Variants in OR4D10 observed in about 807,000 individuals in gnomAD.
OR4D10 encodes the protein olfactory receptor family 4 subfamily D member 10.
For synonymous variants in OR4D10, 188 were observed against 153.2 expected (o/e 1.23, Z -1.68); for missense variants, 395 against 378.0 (o/e 1.04, Z -0.37).
Position 59,477,832 on chromosome 11 carries a change from A to T in OR4D10, c.403A>T (p.Ile135Phe). 6.2e-7 allele frequency: 1 copy of T among 1,614,106 alleles called. No homozygotes were observed. The highest frequency in any genetic ancestry group is 8.5e-7 in the Non-Finnish European group (1 of 1,180,020). The change falls in exon 3 of 3, where the codon ATC becomes TTC. Residue 135 changes from isoleucine (I) to phenylalanine (F), a missense_variant. Ile to Phe is a conservative substitution (Grantham distance 21). Transcript: ENST00000530162. Reference protein sequence around the residue: ...AISKPLHYATIMSRDHCIGLT... With the variant: ...AISKPLHYATFMSRDHCIGLT... The stretch of plus-strand genomic sequence containing the variant: ...CTCCAAGCCCCTGCACTATGCGACT[A>T]TCATGAGTAGAGACCATTGCATTGG...
Position 59,477,499 on chromosome 11 carries a change from A to C in OR4D10, c.70A>C (p.Ser24Arg). ...FLGLTQNREV[S>R]LVLFLFLLLV... ...TGGCCTGACCCAGAATCGGGAAGTG[A>C]GCTTAGTCTTATTTCTTTTCCTACT... The change falls in exon 3 of 3, where the codon AGC becomes CGC. Residue 24 changes from serine to arginine, a missense_variant. Coordinates refer to ENST00000530162, the MANE Select transcript of OR4D10 (RefSeq NM_001004705.2). 1 of 1,612,690 alleles carries C rather than the reference A, an allele frequency of 6.2e-7. No homozygotes were observed. The highest frequency in any genetic ancestry group is 8.5e-7 in the Non-Finnish European group (1 of 1,179,376).
In OR4D10 at chr11:59,477,385, C is replaced by T; in HGVS notation, c.-45C>T. On this transcript the variant is annotated 5_prime_UTR_variant, in exon 3 of 3. Transcript: ENST00000530162. ...AACAAAATAAATATCCCAGTGCTTTCACATGACATGGTTTAAAACCAAAGA... is the reference window on the plus strand; with the variant it reads ...AACAAAATAAATATCCCAGTGCTTTTACATGACATGGTTTAAAACCAAAGA... 1 of 1,395,370 alleles carries T rather than the reference C, an allele frequency of 7.2e-7. No individual in the cohort carries two copies. Among genetic ancestry groups the T allele is most frequent in the Middle Eastern group, 1.9e-4 (1 of 5,330 alleles). The allele number at this position is 1,395,370 out of a possible 1,614,324, so 86.4% of individuals were successfully genotyped here. A position where few individuals can be genotyped will look rare whatever the true frequency, so the allele number is the denominator to read the frequency against.
rs1309749820 is a variant in OR4D10 at position 59,478,856 on chromosome 11, G to A, written c.*491G>A. 1.3e-5 allele frequency: 2 copies of A among 152,460 alleles called. No individual in the cohort carries two copies. The highest frequency in any genetic ancestry group is 2.9e-5 in the Non-Finnish European group (2 of 68,276). 9.4% of individuals were successfully genotyped at this position (152,460 alleles called of 1,614,324 possible). ...TAGCAAATGTGTATATGATTTTGCA[G>A]TCCAATTTTAAAGAAAAATTAAGCC... On this transcript the variant is annotated 3_prime_UTR_variant, in exon 3 of 3. Coordinates refer to ENST00000530162, the MANE Select transcript of OR4D10 (RefSeq NM_001004705.2).
In OR4D10 at chr11:59,477,492, G is replaced by A. The variant is rs1375530379; in HGVS notation, c.63G>A (p.Arg21=). The A allele has an allele frequency of 1.3e-5, 21 of 1,611,436 alleles. No individual in the cohort carries two copies. Among genetic ancestry groups the A allele is most frequent in the Non-Finnish European group, 1.7e-5 (20 of 1,178,854 alleles). The stretch of plus-strand genomic sequence containing the variant: ...TTTTCCTTGGCCTGACCCAGAATCG[G>A]GAAGTGAGCTTAGTCTTATTTCTTT... ...EFIFLGLTQN[R]EVSLVLFLFL... Residue 21 remains arginine, a synonymous_variant, in exon 3 of 3, where the codon CGG becomes CGA. Coordinates refer to ENST00000530162, the MANE Select transcript of OR4D10 (RefSeq NM_001004705.2).
intron 2 of OR4D10, among the ~76,000 whole-genome samples, chr11:59,475,172 C>A (rs1858890432): frequency 6.6e-6 from 1 of 151,956 alleles, no homozygotes; most frequent in African/African-American, 2.4e-5. Flanking sequence ...AGAAGCTCAG[C>A]AGGCTTAAAC....
intron 2 of OR4D10, among the ~76,000 whole-genome samples, chr11:59,476,654 T>C (rs1266210550): frequency 3.3e-5 from 5 of 152,176 alleles, no homozygotes; most frequent in Non-Finnish European, 4.4e-5. Context: ...TCATCTCTGC[T>C]GACTCCAACT....
Position 59,477,325 on chromosome 11 carries a change from A to C in OR4D10, c.-105A>C. On this transcript the variant is annotated 5_prime_UTR_variant, in exon 3 of 3. Coordinates refer to ENST00000530162, the MANE Select transcript of OR4D10 (RefSeq NM_001004705.2). Reference sequence around the variant, plus strand: ...CTGCAAAAACTACAACCGCATGGGAAGTTTCTGCACTGCATTCTAGGTGTT... The same window carrying C: ...CTGCAAAAACTACAACCGCATGGGACGTTTCTGCACTGCATTCTAGGTGTT... The C allele has an allele frequency of 2.6e-6, 2 of 758,492 alleles. No individual in the cohort carries two copies. The highest frequency in any genetic ancestry group is 4.1e-6 in the Non-Finnish European group (2 of 493,200). 47.0% of individuals were successfully genotyped at this position (758,492 alleles called of 1,614,324 possible). A position where few individuals can be genotyped will look rare whatever the true frequency, so the allele number is the denominator to read the frequency against.
chr11:59,474,571 T>C (rs1044721360), intron 2 of OR4D10, among the ~76,000 whole-genome samples: 1 of 152,178 alleles, frequency 6.6e-6, no homozygotes. Flanking sequence ...CCCTCCACCC[T>C]CTAAGCTTTG....
Position 59,477,511 on chromosome 11 carries a change from T to C in OR4D10, c.82T>C (p.Phe28Leu). 1 of 1,613,968 alleles carries C rather than the reference T, an allele frequency of 6.2e-7. No homozygotes were observed. Among genetic ancestry groups the C allele is most frequent in the Non-Finnish European group, 8.5e-7 (1 of 1,179,900 alleles). The change falls in exon 3 of 3, where the codon TTT (phenylalanine) becomes CTT (leucine). Residue 28 changes from phenylalanine (F) to leucine (L), a missense_variant. By Grantham distance (22) the Phe-to-Leu change is conservative. Transcript: ENST00000530162. ...TQNREVSLVL[F>L]LFLLLVYVTT... is the part of the protein sequence containing the mutation. Reference sequence around the variant, plus strand: ...GAATCGGGAAGTGAGCTTAGTCTTATTTCTTTTCCTACTCTTGGTGTATGT... The same window carrying C: ...GAATCGGGAAGTGAGCTTAGTCTTACTTCTTTTCCTACTCTTGGTGTATGT...
In OR4D10 at chr11:59,477,520, C is replaced by T; in HGVS notation, c.91C>T (p.Leu31=). Residue 31 remains leucine, a synonymous_variant, in exon 3 of 3, where the codon CTA becomes TTA. Coordinates refer to ENST00000530162, the MANE Select transcript of OR4D10 (RefSeq NM_001004705.2). The part of the protein sequence containing the change: ...REVSLVLFLF[L]LLVYVTTLLG... ...AGTGAGCTTAGTCTTATTTCTTTTC[C>T]TACTCTTGGTGTATGTGACAACTTT... The T allele has an allele frequency of 6.2e-7, 1 of 1,613,920 alleles. No individual in the cohort carries two copies. Among genetic ancestry groups the T allele is most frequent in the African/African-American group, 1.3e-5 (1 of 75,022 alleles).
intron 2 of OR4D10, among the ~76,000 whole-genome samples, chr11:59,475,348 T>G (rs1858892665): frequency 6.6e-6 from 1 of 152,184 alleles, no homozygotes; most frequent in Non-Finnish European, 1.5e-5. Flanking sequence ...GCATGTCATC[T>G]TCACCACCGA....
chr11:59,477,476 G>T lies in OR4D10; in HGVS notation c.47G>T (p.Gly16Val), dbSNP rs1239345150. Residue 16 changes from glycine (G) to valine (V), a missense_variant, in exon 3 of 3, where the codon GGC (glycine) becomes GTC (valine). Coordinates refer to ENST00000530162, the MANE Select transcript of OR4D10 (RefSeq NM_001004705.2). ...CTRVKEFIFL[G>V]LTQNREVSLV... ...AGGGTAAAAGAATTTATTTTCCTTG[G>T]CCTGACCCAGAATCGGGAAGTGAGC... 1 of 1,606,236 alleles carries T rather than the reference G, an allele frequency of 6.2e-7. No homozygotes were observed. The highest frequency in any genetic ancestry group is 8.5e-7 in the Non-Finnish European group (1 of 1,176,008).
At position 59,477,895 on chromosome 11, in the gene OR4D10, T is replaced by C; in HGVS notation, c.466T>C (p.Ser156Pro). 1 of 1,614,150 alleles carries C rather than the reference T, an allele frequency of 6.2e-7. No homozygotes were observed. The highest frequency in any genetic ancestry group is 8.5e-7 in the Non-Finnish European group (1 of 1,180,028). The change falls in exon 3 of 3, where the codon TCC (serine) becomes CCC (proline). Residue 156 changes from serine to proline, a missense_variant. Coordinates refer to ENST00000530162, the MANE Select transcript of OR4D10 (RefSeq NM_001004705.2). ...VAAWLGGFVH[S>P]IVQISLLLPL... is the part of the protein sequence containing the mutation. ...TGCCTGGTTGGGGGGCTTTGTCCACTCCATCGTGCAGATTTCCCTGTTGCT... is the reference window on the plus strand; with the variant it reads ...TGCCTGGTTGGGGGGCTTTGTCCACCCCATCGTGCAGATTTCCCTGTTGCT...
chr11:59,477,669 G>T lies in OR4D10; in HGVS notation c.240G>T (p.Lys80Asn). The T allele has an allele frequency of 6.2e-7, 1 of 1,614,094 alleles. No individual in the cohort carries two copies. The highest frequency in any genetic ancestry group is 8.5e-7 in the Non-Finnish European group (1 of 1,180,022). The change falls in exon 3 of 3, where the codon AAG becomes AAT. Residue 80 changes from lysine to asparagine, a missense_variant. Coordinates refer to ENST00000530162, the MANE Select transcript of OR4D10 (RefSeq NM_001004705.2). ...GCTTCTCTTCCATCACAGTGCCCAA[G>T]GTTCTGGTGGACCTTCTGTCTGAAA... ...DICFSSITVPKVLVDLLSERK... is the reference protein window; with the variant it reads ...DICFSSITVPNVLVDLLSERK...
chr11:59,476,934 A>G (rs1234980006), intron 2 of OR4D10, among the ~76,000 whole-genome samples: 1 of 152,114 alleles, frequency 6.6e-6, no homozygotes, highest in Non-Finnish European at 1.5e-5. Context: ...ACTGATAATA[A>G]TAATAGTGAC....
rs1858918208 is a variant in OR4D10 at position 59,477,395 on chromosome 11, G to A, written c.-35G>A. 6.9e-7 allele frequency: 1 copy of A among 1,452,570 alleles called. No individual in the cohort carries two copies. Among genetic ancestry groups the A allele is most frequent in the African/African-American group, 1.4e-5 (1 of 70,710 alleles). The allele number at this position is 1,452,570 out of a possible 1,614,324, so 90.0% of individuals were successfully genotyped here. On this transcript the variant is annotated 5_prime_UTR_variant, in exon 3 of 3. An upstream start codon of the reference 5' UTR is lost. Coordinates refer to ENST00000530162, the MANE Select transcript of OR4D10 (RefSeq NM_001004705.2). ...ATATCCCAGTGCTTTCACATGACAT[G>A]GTTTAAAACCAAAGAGAATAAAGAG...
At position 59,475,887 on chromosome 11, in the gene OR4D10, A is replaced by G. The variant is rs1858900988; in HGVS notation, c.-168-1375A>G. Among the ~76,000 whole-genome samples, 7 of 152,228 alleles carry G rather than the reference A, an allele frequency of 4.6e-5. No homozygotes were observed. In the South Asian group the frequency reaches 1.5e-3, roughly 32 times the overall value. The stretch of plus-strand genomic sequence containing the variant: ...TTACCTGAAAATTTTATAATTTTTT[A>G]AACAGTTCATCTGAGACTGTTTTTC... On this transcript the variant is annotated intron_variant, in intron 2 of 2. Transcript: ENST00000530162.
At chr11:59,475,550 A>G (rs1012793795) in intron 2 of OR4D10, among the ~76,000 whole-genome samples, 2 of 152,142 alleles carry the variant, frequency 1.3e-5, no homozygotes, top group Non-Finnish European at 2.9e-5. Flanking sequence ...ATGCACTTAC[A>G]TGTTTATATT....
rs950405226 is a variant in OR4D10 at position 59,473,794 on chromosome 11, G to A, written c.-169+1G>A. 1.3e-5 allele frequency: 2 copies of A among 152,176 alleles called. No homozygotes were observed. The highest frequency in any genetic ancestry group is 1.9e-4 in the East Asian group (1 of 5,200). 9.4% of individuals were successfully genotyped at this position (152,176 alleles called of 1,614,324 possible). A position where few individuals can be genotyped will look rare whatever the true frequency, so the allele number is the denominator to read the frequency against. On this transcript the variant is annotated splice_donor_variant, in intron 2 of 2. Coordinates refer to ENST00000530162, the MANE Select transcript of OR4D10 (RefSeq NM_001004705.2). LOFTEE classifies it low-confidence loss of function (5UTR_SPLICE). ...CATCTCAATGACAGAAACAACAAAG[G>A]TGGGTGTTAAACATTGGAAAAAATG...
Sources: allele counts gnomAD v4.1 joint callset (sites outside exome capture counted in the v4.1 genomes callset), GRCh38; gene constraint gnomAD v4.1.1; transcripts MANE v1.5; gene names NCBI Gene and HGNC (gene_info 2026-07-23, HGNC 2026-07-21).